HSD17B3: variants seen among roughly 807,000 people sequenced by gnomAD.
HSD17B3 encodes hydroxysteroid 17-beta dehydrogenase 3.
HSD17B3 carries 29 observed loss-of-function variants against 41.1 expected under a neutral mutation model. The observed-to-expected ratio is 0.71, with a 90% CI of 0.53 to 0.96. The LOEUF (loss-of-function observed/expected upper bound fraction) is 0.96. Among genes scored for constraint, HSD17B3 ranks in the 40% least tolerant of loss-of-function variants. The probability of loss-of-function intolerance (pLI) is 0.00; values close to 1 mark genes in which losing one functional copy is unlikely to be tolerated. For synonymous variants in HSD17B3, 126 were observed against 145.6 expected (o/e 0.87, Z 0.97); for missense variants, 323 against 374.6 (o/e 0.86, Z 1.14).
At position 96,260,405 on chromosome 9, in the gene HSD17B3, G is replaced by A. The variant is rs372381975; in HGVS notation, c.202-5462C>T. ...AAAATTATGGCAGTGAAAGAGATCT[G>A]ATCTAACCAGCCCCTTGTCTTGCCC... On this transcript the variant is annotated intron_variant, in intron 2 of 10. Coordinates refer to ENST00000375263, the MANE Select transcript of HSD17B3 (RefSeq NM_000197.2). 2.6e-5 allele frequency among the ~76,000 whole-genome samples: 4 copies of A among 152,268 alleles called. No individual in the cohort carries two copies. The South Asian group carries it at 8.3e-4, about 32-fold the overall frequency.
At chr9:96,255,909 C>T (rs1325986402) in intron 2 of HSD17B3, among the ~76,000 whole-genome samples, 1 of 152,140 alleles carries the variant, frequency 6.6e-6, no homozygotes, top group Non-Finnish European at 1.5e-5. Flanking sequence ...GGGTGGGGAG[C>T]TGCGTGCTTC....
intron 3 of HSD17B3, among the ~76,000 whole-genome samples, chr9:96,253,290 GCTTA>G (rs1825502443): frequency 6.6e-6 from 1 of 152,134 alleles, no homozygotes; most frequent in African/African-American, 2.4e-5. Flanking sequence ...CCAGCCACCT[GCTTA>G]ACACACCTCC....
chr9:96,267,527 C>T (rs1171418544), intron 2 of HSD17B3, among the ~76,000 whole-genome samples: 2 of 152,022 alleles, frequency 1.3e-5, no homozygotes, highest in African/African-American at 4.8e-5. Context: ...ATGAAAAGAA[C>T]ACGCTGCTCC....
At chr9:96,287,437 G>T (rs538788932) in intron 2 of HSD17B3, among the ~76,000 whole-genome samples, 1 of 152,220 alleles carries the variant, frequency 6.6e-6, no homozygotes, top group Non-Finnish European at 1.5e-5. Flanking sequence ...CTGGCCGGGC[G>T]TGGTGGCTCA....
At chr9:96,269,717 A>C (rs1007667637) in intron 2 of HSD17B3, among the ~76,000 whole-genome samples, 1 of 152,048 alleles carries the variant, frequency 6.6e-6, no homozygotes, top group African/African-American at 2.4e-5. Flanking sequence ...CAACCTGGCC[A>C]ACATAGTGAA....
intron 4 of HSD17B3, 44 bp from the exon 5 acceptor site, chr9:96,251,529 G>A (rs1281180888): frequency 4.6e-6 from 7 of 1,538,202 alleles, no homozygotes; most frequent in Admixed American, 1.7e-5. Flanking sequence ...AAGATCAGGT[G>A]GGAGATTTTC....
chr9:96,243,580 C>T (rs971544824), intron 9 of HSD17B3, among the ~76,000 whole-genome samples: 7 of 152,272 alleles, frequency 4.6e-5, no homozygotes, highest in Admixed American at 1.3e-4. Flanking sequence ...AATAGTATAT[C>T]GTAAAACTTC....
intron 1 of HSD17B3, among the ~76,000 whole-genome samples, chr9:96,300,964 C>A (rs1827575923): frequency 6.6e-6 from 1 of 152,064 alleles, no homozygotes. Flanking sequence ...TTTGGAAACA[C>A]CTTTTAGTAA....
chr9:96,247,010 A>G (rs1369789272), intron 6 of HSD17B3, among the ~76,000 whole-genome samples: 2 of 152,162 alleles, frequency 1.3e-5, no homozygotes, highest in African/African-American at 4.8e-5. Context: ...CTCTGTAGAG[A>G]GAAGGACACC....
intron 2 of HSD17B3, among the ~76,000 whole-genome samples, chr9:96,262,818 A>G (rs1825911862): frequency 6.6e-6 from 1 of 152,000 alleles, no homozygotes; most frequent in African/African-American, 2.4e-5. Context: ...TGATTTTCCC[A>G]GTATATGTTT....
chr9:96,271,568 C>T (rs1826245790), intron 2 of HSD17B3, among the ~76,000 whole-genome samples: 1 of 152,126 alleles, frequency 6.6e-6, no homozygotes, highest in African/African-American at 2.4e-5. Flanking sequence ...ATGATTTCTT[C>T]CCCTTCTTTC....
chr9:96,251,553 T>C (rs1304554411), intron 4 of HSD17B3, 68 bp from the exon 5 acceptor site: 1 of 1,372,184 alleles, frequency 7.3e-7, no homozygotes, highest in Non-Finnish European at 1.0e-6. Flanking sequence ...AAGAACCATG[T>C]ACAAAAAGAT....
At chr9:96,252,079 T>G (rs997136997) in intron 4 of HSD17B3, among the ~76,000 whole-genome samples, 2 of 151,610 alleles carry the variant, frequency 1.3e-5, no homozygotes, top group Admixed American at 1.3e-4. Context: ...AAATATTATC[T>G]TGTTTTCTGA....
chr9:96,245,552 G>C, intron 7 of HSD17B3, 126 bp from the exon 8 acceptor site: 1 of 728,328 alleles, frequency 1.4e-6, no homozygotes, highest in South Asian at 1.5e-5. Context: ...GCAAGTGCTA[G>C]GGGCTCTGCT....
At chr9:96,265,036 T>C (rs1217657577) in intron 2 of HSD17B3, among the ~76,000 whole-genome samples, 2 of 152,238 alleles carry the variant, frequency 1.3e-5, no homozygotes, top group Admixed American at 6.5e-5. Context: ...TAGAATATTT[T>C]CTAATAAGAC....
At chr9:96,288,868 C>T (rs1827033498) in intron 2 of HSD17B3, among the ~76,000 whole-genome samples, 1 of 150,976 alleles carries the variant, frequency 6.6e-6, no homozygotes, top group East Asian at 2.0e-4. Flanking sequence ...ACCCGGGAGG[C>T]GGAGCTCGCA....
intron 2 of HSD17B3, among the ~76,000 whole-genome samples, chr9:96,273,639 C>A (rs1775500400): frequency 6.6e-6 from 1 of 152,162 alleles, no homozygotes; most frequent in African/African-American, 2.4e-5. Context: ...AGCCTTGGCA[C>A]CACCATGCCT....
rs573083486 is a variant in HSD17B3 at position 96,252,345 on chromosome 9, C to T, written c.385+458G>A. On this transcript the variant is annotated intron_variant, in intron 4 of 10. Coordinates refer to ENST00000375263, the MANE Select transcript of HSD17B3 (RefSeq NM_000197.2). ...GGATCACGAGGTCAGGAGTTTGAGA[C>T]CAGCCTGGCCAATATGGTGAAACCC... Among the ~76,000 whole-genome samples the T allele has an allele frequency of 4.6e-5, 7 of 152,114 alleles. No homozygotes were observed. In the South Asian group the frequency reaches 1.2e-3, roughly 27 times the overall value.
intron 9 of HSD17B3, 41 bp from the exon 10 acceptor site, chr9:96,240,948 C>G (rs756669687): frequency 6.2e-7 from 1 of 1,612,624 alleles, no homozygotes; most frequent in Non-Finnish European, 8.5e-7. Flanking sequence ...AAGCAATCCA[C>G]CCCAGGAAGA....
Sources: allele counts gnomAD v4.1 joint callset (sites outside exome capture counted in the v4.1 genomes callset), GRCh38; gene constraint gnomAD v4.1.1; transcripts MANE v1.5; gene names NCBI Gene and HGNC (gene_info 2026-07-23, HGNC 2026-07-21).